The following ROBO2 variants were observed in gnomAD, a reference collection of about 807,000 sequenced individuals.
ROBO2 encodes the protein roundabout guidance receptor 2, also known as roundabout homolog 2.
Under a neutral mutation model 160.8 loss-of-function variants are expected in ROBO2, and 53 were observed. The ratio of observed to expected loss-of-function variants is 0.33; its 90% CI spans 0.26 to 0.41. ROBO2 has a LOEUF of 0.41. Ranked by LOEUF, ROBO2 falls within the 10% of genes least tolerant of loss-of-function variation. ROBO2 has a pLI of 1.00. For synonymous variants in ROBO2, 664 were observed against 611.7 expected (o/e 1.09, Z -1.26); for missense variants, 1,577 against 1,722.4 (o/e 0.92, Z 1.49).
chr3:76,356,948 T>A (rs1025363964), intron 2 of ROBO2, among the ~76,000 whole-genome samples: 2 of 151,904 alleles, frequency 1.3e-5, no homozygotes, highest in African/African-American at 4.8e-5. Context: ...CATGGCTTCC[T>A]TGTTATATTT....
At chr3:76,363,559 A>G (rs1166096975) in intron 2 of ROBO2, among the ~76,000 whole-genome samples, 1 of 152,120 alleles carries the variant, frequency 6.6e-6, no homozygotes, top group Non-Finnish European at 1.5e-5. Flanking sequence ...CCTAGTTTCC[A>G]GGACTCTGAA....
At chr3:77,426,351 C>T (rs539862371) in intron 2 of ROBO2, among the ~76,000 whole-genome samples, 4 of 151,984 alleles carry the variant, frequency 2.6e-5, no homozygotes, top group African/African-American at 4.8e-5. Context: ...CTGTGGCGGG[C>T]AGGTTTTGGG....
chr3:76,874,532 A>G (rs535630958), intron 2 of ROBO2, among the ~76,000 whole-genome samples: 1 of 152,342 alleles, frequency 6.6e-6, no homozygotes, highest in South Asian at 2.1e-4. Flanking sequence ...TTGTCAAGCT[A>G]GCAGAGGGGC....
chr3:76,029,720 A>G (rs1007133105), intron 2 of ROBO2, among the ~76,000 whole-genome samples: 2 of 152,288 alleles, frequency 1.3e-5, no homozygotes, highest in Non-Finnish European at 2.9e-5. Flanking sequence ...GCTGCATAGT[A>G]TTCCATGGTG....
At chr3:77,017,188 A>T (rs1181545567) in intron 2 of ROBO2, among the ~76,000 whole-genome samples, 1 of 152,220 alleles carries the variant, frequency 6.6e-6, no homozygotes, top group African/African-American at 2.4e-5. Context: ...GAATGTAAGA[A>T]TGTTGTCTTG....
At chr3:76,185,919 C>T (rs553590139) in intron 2 of ROBO2, among the ~76,000 whole-genome samples, 1 of 140,602 alleles carries the variant, frequency 7.1e-6, no homozygotes, top group Admixed American at 7.7e-5. Flanking sequence ...ATTCATTTCT[C>T]ATTAAAGGAA....
intron 2 of ROBO2, among the ~76,000 whole-genome samples, chr3:77,471,641 C>T (rs1406167709): frequency 6.6e-6 from 1 of 152,182 alleles, no homozygotes; most frequent in Non-Finnish European, 1.5e-5. Flanking sequence ...CTGAAATACA[C>T]TGACAATAGA....
chr3:77,559,730 G>A (rs1381567089), intron 9 of ROBO2, among the ~76,000 whole-genome samples: 2 of 151,876 alleles, frequency 1.3e-5, no homozygotes, highest in African/African-American at 2.4e-5. Flanking sequence ...TCATACAGAC[G>A]TATATCAGAA....
intron 2 of ROBO2, among the ~76,000 whole-genome samples, chr3:77,410,567 T>TCCTCCTCCTCTTCC (rs2076645234): frequency 2.0e-5 from 1 of 49,404 alleles, no homozygotes; most frequent in Non-Finnish European, 4.5e-5. Flanking sequence ...CCTCCTCTTC[T>TCCTCCTCCTCTTCC]TCCTCCTCCT....
intron 2 of ROBO2, among the ~76,000 whole-genome samples, chr3:76,143,823 G>A (rs2106784347): frequency 6.6e-6 from 1 of 152,174 alleles, no homozygotes; most frequent in South Asian, 2.1e-4. Flanking sequence ...ACCTAGGAGA[G>A]TTGATGGTAC....
exon 1 of ROBO2, chr3:77,040,745 T>C: frequency 6.2e-7 from 1 of 1,613,968 alleles, no homozygotes; most frequent in Non-Finnish European, 8.5e-7. Flanking sequence ...CTCTCTGGGA[T>C]TGGTTTCTTA....
Position 76,184,889 on chromosome 3 carries a change from T to C in ROBO2, c.109+247287T>C, listed in dbSNP as rs1701671171. 2.0e-5 allele frequency among the ~76,000 whole-genome samples: 3 copies of C among 151,862 alleles called. No homozygotes were observed. In the South Asian group the frequency reaches 6.2e-4, roughly 32 times the overall value. ...CTCCAGAAGACAGACATATTTGCCTTTTTTTCTGTTTTTGTTGTCTCTGCA... is the reference window on the plus strand; with the variant it reads ...CTCCAGAAGACAGACATATTTGCCTCTTTTTCTGTTTTTGTTGTCTCTGCA... On this transcript the variant is annotated intron_variant, in intron 2 of 26. Transcript: ENST00000487694.
intron 2 of ROBO2, among the ~76,000 whole-genome samples, chr3:76,724,095 C>T (rs1006819130): frequency 2.0e-5 from 3 of 152,164 alleles, no homozygotes; most frequent in African/African-American, 4.8e-5. Context: ...ATGAATTCCA[C>T]TCTTGGCACA....
At chr3:76,425,167 T>C (rs1255890668) in intron 2 of ROBO2, among the ~76,000 whole-genome samples, 2 of 152,068 alleles carry the variant, frequency 1.3e-5, no homozygotes, top group Non-Finnish European at 2.9e-5. Context: ...CCACCTGCCA[T>C]TCAATTTGCC....
At chr3:76,535,847 G>A (rs1163044948) in intron 2 of ROBO2, among the ~76,000 whole-genome samples, 1 of 152,110 alleles carries the variant, frequency 6.6e-6, no homozygotes, top group Non-Finnish European at 1.5e-5. Flanking sequence ...TCCACTATAA[G>A]AGTTACCTGA....
chr3:77,025,792 C>T (rs1355974636), intron 2 of ROBO2, among the ~76,000 whole-genome samples: 1 of 152,148 alleles, frequency 6.6e-6, no homozygotes, highest in African/African-American at 2.4e-5. Flanking sequence ...TAAATCACTA[C>T]ATCATTCCTT....
At chr3:76,232,555 C>T (rs757371371) in intron 2 of ROBO2, among the ~76,000 whole-genome samples, 11 of 152,106 alleles carry the variant, frequency 7.2e-5, no homozygotes, top group Admixed American at 2.0e-4. Flanking sequence ...AACAGTACAT[C>T]GATTGCAAAT....
intron 2 of ROBO2, among the ~76,000 whole-genome samples, chr3:76,814,636 C>T (rs1353485882): frequency 6.6e-6 from 1 of 151,852 alleles, no homozygotes; most frequent in Non-Finnish European, 1.5e-5. Context: ...CCTGCAAAAC[C>T]TACACTCAGC....
chr3:77,333,339 C>G (rs1302671784), intron 2 of ROBO2, among the ~76,000 whole-genome samples: 3 of 152,146 alleles, frequency 2.0e-5, no homozygotes, highest in Admixed American at 2.0e-4. Flanking sequence ...TCTAACATTA[C>G]ACTTAGAAGG....
Sources: gnomAD v4.1 joint callset for allele counts (sites outside exome capture counted in the v4.1 genomes callset) on GRCh38, gnomAD v4.1.1 for gene constraint, MANE v1.5 for transcripts, NCBI Gene and HGNC (gene_info 2026-07-23, HGNC 2026-07-21) for gene names.